C21orf58: variants seen among roughly 807,000 people sequenced by gnomAD.
The protein encoded by C21orf58 is chromosome 21 open reading frame 58, also known as uncharacterized protein C21orf58.
A neutral mutation model predicts 35.8 loss-of-function variants in C21orf58; 34 were observed. The observed-to-expected ratio is 0.95, with a 90% CI of 0.72 to 1.26. The LOEUF is 1.26. C21orf58 is among the 50% of genes most tolerant of loss of function. The probability of loss-of-function intolerance (pLI) is 0.00; values close to 1 mark genes in which losing one functional copy is unlikely to be tolerated. For missense variants in C21orf58, 440 were observed against 414.3 expected (o/e 1.06, Z -0.54); for synonymous variants, 191 against 175.8 (o/e 1.09, Z -0.68).
intron 1 of C21orf58, 130 bp downstream of exon 1, chr21:46,322,509 G>C: frequency 7.8e-7 from 1 of 1,285,998 alleles, no homozygotes; most frequent in Non-Finnish European, 9.9e-7. Flanking sequence ...TGATCCTGTG[G>C]GTGCAGCCCC....
At chr21:46,318,417 T>C in intron 1 of C21orf58, 197 bp from the exon 2 acceptor site, 8 of 1,427,936 alleles carry the variant, frequency 5.6e-6, no homozygotes, top group African/African-American at 2.9e-5. Flanking sequence ...CTGGGCTTCA[T>C]GGGAAGGCAA....
intron 6 of C21orf58, among the ~76,000 whole-genome samples, chr21:46,310,482 C>CA (rs1569126386): frequency 3.2e-5 from 4 of 126,744 alleles, no homozygotes; most frequent in African/African-American, 1.5e-4. Flanking sequence ...TGTCTCAGAA[C>CA]AAAAAAAATA....
At chr21:46,305,461 C>T (rs899642650) in intron 6 of C21orf58, among the ~76,000 whole-genome samples, 1 of 151,688 alleles carries the variant, frequency 6.6e-6, no homozygotes, top group South Asian at 2.1e-4. Context: ...TCCCAAGTAG[C>T]TGGGACCACA....
rs147984694 is a variant in C21orf58 at position 46,314,180 on chromosome 21, C to T, written c.609+536G>A. ...GTAATCTCCTCTTTCTGGGCTCAAG[C>T]GATTCTCCTGCCTCAGCCTCCTGAG... On this transcript the variant is annotated intron_variant, in intron 5 of 7. Transcript: ENST00000291691. 8.0e-4 allele frequency among the ~76,000 whole-genome samples: 114 copies of T among 143,270 alleles called. 2 individuals are homozygous for T. Among genetic ancestry groups the T allele is most frequent in the African/African-American group, 2.6e-3 (102 of 39,566 alleles). The allele number at this position is 143,270 out of a possible 152,430, so 94.0% of individuals were successfully genotyped here.
Position 46,321,050 on chromosome 21 carries a change from T to C in C21orf58, c.100+1589A>G, listed in dbSNP as rs563490958. ...GTCAGACTTTTTTTTTAAATAGGGT[T>C]TTTAAGAACAGTTTTAGATTTAGAG... On this transcript the variant is annotated intron_variant, in intron 1 of 7. Coordinates refer to ENST00000291691, the MANE Select transcript of C21orf58 (RefSeq NM_058180.5). Among the ~76,000 whole-genome samples the C allele has an allele frequency of 2.6e-5, 4 of 152,192 alleles. No homozygotes were observed. In the East Asian group the frequency reaches 7.7e-4, roughly 29 times the overall value.
At chr21:46,315,660 C>G in intron 3 of C21orf58, 113 bp from the exon 4 acceptor site, 2 of 728,096 alleles carry the variant, frequency 2.7e-6, no homozygotes, top group Non-Finnish European at 5.0e-6. Context: ...ACCCACACTC[C>G]CAGGATGGGG....
intron 6 of C21orf58, among the ~76,000 whole-genome samples, chr21:46,310,903 C>T (rs759388700): frequency 6.6e-5 from 10 of 152,022 alleles, no homozygotes; most frequent in Non-Finnish European, 1.3e-4. Flanking sequence ...GAGTCTCACT[C>T]TGTCGCCCAG....
At chr21:46,310,583 C>T (rs1177775770) in intron 6 of C21orf58, among the ~76,000 whole-genome samples, 5 of 150,996 alleles carry the variant, frequency 3.3e-5, no homozygotes, top group East Asian at 2.0e-4. Context: ...CTGAGGTGGG[C>T]GGATCACCTG....
chr21:46,302,552 T>C lies in C21orf58; in HGVS notation c.746A>G (p.Gln249Arg). 3.7e-6 allele frequency: 6 copies of C among 1,612,524 alleles called. No individual in the cohort carries two copies. In the South Asian group the frequency reaches 6.6e-5, roughly 18 times the overall value. Residue 249 changes from glutamine to arginine, a missense_variant, in exon 7 of 8, where the codon CAG (glutamine) becomes CGG (arginine). Gln to Arg is a conservative substitution (Grantham distance 43). Coordinates refer to ENST00000291691, the MANE Select transcript of C21orf58 (RefSeq NM_058180.5). ...GACCAACTGGTGCACCTGTGCGTTC[T>C]GCAGCAGCAGCAGCTCCACCATGTC... ...KEDMVELLLL[Q>R]NAQVHQLVLQ...
intron 1 of C21orf58, chr21:46,318,964 G>T: frequency 1.7e-6 from 1 of 572,748 alleles, no homozygotes; most frequent in Non-Finnish European, 2.2e-6. Flanking sequence ...GCCCAGACCT[G>T]TGGACCCGAG....
At chr21:46,319,724 C>T (rs979560233) in intron 1 of C21orf58, among the ~76,000 whole-genome samples, 1 of 151,738 alleles carries the variant, frequency 6.6e-6, no homozygotes, top group African/African-American at 2.4e-5. Context: ...GGTGAAACCC[C>T]GTCTCTACTA....
Position 46,318,115 on chromosome 21 carries a change from A to G in C21orf58, c.206T>C (p.Leu69Pro), listed in dbSNP as rs138106041. 22 of 1,612,986 alleles carry G rather than the reference A, an allele frequency of 1.4e-5. No individual in the cohort carries two copies. The South Asian group carries it at 1.9e-4, about 14-fold the overall frequency. ...CGACTGTAGGGGCAGGGGAGGCCAC[A>G]GCCCACCTCCCTCCCTGGTTCTGTT... is the stretch of plus-strand genomic sequence containing the variant. Reference protein sequence around the residue: ...ASNRTREGGGLWPPLPLQSSP... With the variant: ...ASNRTREGGGPWPPLPLQSSP... The change falls in exon 2 of 8, where the codon CTG (leucine) becomes CCG (proline). Residue 69 changes from leucine to proline, a missense_variant. Physicochemically the swap from Leu to Pro is moderately conservative, Grantham distance 98. Coordinates refer to ENST00000291691, the MANE Select transcript of C21orf58 (RefSeq NM_058180.5).
intron 3 of C21orf58, 123 bp downstream of exon 3, chr21:46,317,085 G>A (rs970855801): frequency 2.0e-5 from 15 of 752,970 alleles, no homozygotes; most frequent in East Asian, 1.1e-4. Context: ...CAATCTCGCC[G>A]GTACCAGGAG....
chr21:46,303,721 ATATATATATATATATATATATATATTTT>A lies in C21orf58; in HGVS notation c.722-1173_722-1146del, dbSNP rs2082245084. 3.6e-4 allele frequency among the ~76,000 whole-genome samples: 8 copies of A among 22,050 alleles called. No individual in the cohort carries two copies. In the South Asian group the frequency reaches 4.5e-3, roughly 12 times the overall value. The allele number at this position is 22,050 out of a possible 152,430, so 14.5% of individuals were successfully genotyped here. A position where few individuals can be genotyped will look rare whatever the true frequency, so the allele number is the denominator to read the frequency against. ...ACACACACACAAAATATATATATATATATATATATATATATATATATATATTTTTTTTTTTTTTTTTTTTTTTGGAGAC... is the reference window on the plus strand; with the variant it reads ...ACACACACACAAAATATATATATATATTTTTTTTTTTTTTTTTTTGGAGAC... On this transcript the variant is annotated intron_variant, in intron 6 of 7. Transcript: ENST00000291691.
At chr21:46,300,801 G>C (rs1390212482), downstream of C21orf58, 1 of 1,287,684 alleles carries the variant, frequency 7.8e-7, no homozygotes, top group Non-Finnish European at 1.0e-6. Context: ...TGTCCTAATA[G>C]GGGGTGAATG....
chr21:46,318,931 T>TCCCCCACATGTCA, intron 1 of C21orf58: 1 of 848,820 alleles, frequency 1.2e-6, no homozygotes, highest in Non-Finnish European at 1.4e-6. Context: ...CAGACTGACA[T>TCCCCCACATGTCA]GTGGGGGATG....
At chr21:46,303,722 TATATATATATATATATATATA>T (rs2082246287) in intron 6 of C21orf58, among the ~76,000 whole-genome samples, 1 of 22,720 alleles carries the variant, frequency 4.4e-5, no homozygotes, top group Non-Finnish European at 8.4e-5. Context: ...TATATATATA[TATATATATATATATATATATA>T]TATTTTTTTT....
chr21:46,306,493 C>G, intron 6 of C21orf58, among the ~76,000 whole-genome samples: 1 of 151,674 alleles, frequency 6.6e-6, no homozygotes, highest in East Asian at 1.9e-4. Flanking sequence ...GCGACACTCC[C>G]ATCTCGAAAA....
At position 46,322,742 on chromosome 21, in the gene C21orf58, G is replaced by T; in HGVS notation, c.-4C>A. ...CAGGGAGCCGAGATCGCGCCATTGC[G>T]CTATAGCCTGGGCGTCGCAGCGAGA... is the stretch of plus-strand genomic sequence containing the variant. On this transcript the variant is annotated 5_prime_UTR_variant, in exon 1 of 8. Coordinates refer to ENST00000291691, the MANE Select transcript of C21orf58 (RefSeq NM_058180.5). 2 of 1,491,374 alleles carry T rather than the reference G, an allele frequency of 1.3e-6. No individual in the cohort carries two copies. Among genetic ancestry groups the T allele is most frequent in the East Asian group, 2.5e-5 (1 of 39,414 alleles). The allele number at this position is 1,491,374 out of a possible 1,614,324, so 92.4% of individuals were successfully genotyped here.
Sources: gnomAD v4.1 joint callset for allele counts (sites outside exome capture counted in the v4.1 genomes callset) on GRCh38, gnomAD v4.1.1 for gene constraint, MANE v1.5 for transcripts, NCBI Gene and HGNC (gene_info 2026-07-23, HGNC 2026-07-21) for gene names.